The following RNF144A variants were observed in gnomAD, a reference collection of about 807,000 sequenced individuals.
RNF144A encodes the protein E3 ubiquitin-protein ligase RNF144A.
RNF144A carries 11 observed loss-of-function variants against 38.7 expected under a neutral mutation model. That is an observed-to-expected ratio of 0.28 (90% confidence interval 0.18 to 0.47). RNF144A has a LOEUF of 0.47. Ranked by LOEUF, RNF144A falls within the 20% of genes least tolerant of loss-of-function variation. The probability of loss-of-function intolerance (pLI) is 0.99; values close to 1 mark genes in which losing one functional copy is unlikely to be tolerated. For missense variants in RNF144A, 316 were observed against 377.2 expected (o/e 0.84, Z 1.34); for synonymous variants, 149 against 143.9 (o/e 1.04, Z -0.25).
intron 1 of RNF144A, among the ~76,000 whole-genome samples, chr2:6,925,285 T>G (rs1437859003): frequency 6.6e-6 from 1 of 152,210 alleles, no homozygotes. Flanking sequence ...CTCTTCTTCT[T>G]GTCTCAGTGA....
rs1292797204 is a variant in RNF144A, at chr2:7,041,217, T to C, written c.*1457T>C. 1 of 985,290 alleles carries C rather than the reference T, an allele frequency of 1.0e-6. No homozygotes were observed. The highest frequency in any genetic ancestry group is 1.2e-6 in the Non-Finnish European group (1 of 829,814). 61.0% of individuals were successfully genotyped at this position (985,290 alleles called of 1,614,324 possible). ...AACAAAATCCTTTTATCTCAGTTAT[T>C]TGCCCATCACAAGCACATTTTTAAA... On this transcript the variant is annotated 3_prime_UTR_variant, in exon 9 of 9. Coordinates refer to ENST00000320892, the MANE Select transcript of RNF144A (RefSeq NM_014746.6).
chr2:7,074,929 C>G, the RNF144A span, among the ~76,000 whole-genome samples: 1 of 152,126 alleles, frequency 6.6e-6, no homozygotes, highest in East Asian at 1.9e-4. Flanking sequence ...AGGAGGTTCT[C>G]AATTTTTTTC....
chr2:6,970,338 CCT>C (rs1224588175), intron 2 of RNF144A, among the ~76,000 whole-genome samples: 1 of 152,094 alleles, frequency 6.6e-6, no homozygotes, highest in African/African-American at 2.4e-5. Context: ...CTGCACAAGC[CCT>C]CTCTCTCTTT....
intron 2 of RNF144A, among the ~76,000 whole-genome samples, chr2:6,959,284 A>G (rs1424979342): frequency 6.6e-6 from 1 of 152,184 alleles, no homozygotes; most frequent in Non-Finnish European, 1.5e-5. Context: ...GCCAGGAGTC[A>G]GAGACTTTAA....
At chr2:6,942,870 G>A (rs1036074301) in intron 2 of RNF144A, among the ~76,000 whole-genome samples, 1 of 152,194 alleles carries the variant, frequency 6.6e-6, no homozygotes, top group Non-Finnish European at 1.5e-5. Context: ...TGTAATTCCA[G>A]CTACTCGGGA....
the RNF144A span, among the ~76,000 whole-genome samples, chr2:7,073,667 C>T: frequency 6.6e-6 from 1 of 152,220 alleles, no homozygotes; most frequent in Non-Finnish European, 1.5e-5. Context: ...AAGATTATAA[C>T]AAGCTGTTGT....
chr2:7,057,070 G>A (rs761739199), intron 6 of RNF144A, among the ~76,000 whole-genome samples: 1 of 152,182 alleles, frequency 6.6e-6, no homozygotes, highest in Non-Finnish European at 1.5e-5. Flanking sequence ...ACATCAACAG[G>A]AGGTGAGAAG....
At chr2:7,012,267 A>G (rs1670867344) in intron 3 of RNF144A, among the ~76,000 whole-genome samples, 1 of 152,356 alleles carries the variant, frequency 6.6e-6, no homozygotes, top group African/African-American at 2.4e-5. Flanking sequence ...GACAACAGCC[A>G]CTATTTACTT....
chr2:7,043,956 TGAA>T lies in RNF144A; in HGVS notation c.*4197_*4199del. 1.0e-6 allele frequency: 1 copy of T among 985,912 alleles called. No homozygotes were observed. Among genetic ancestry groups the T allele is most frequent in the Non-Finnish European group, 1.2e-6 (1 of 829,936 alleles). 61.1% of individuals were successfully genotyped at this position (985,912 alleles called of 1,614,324 possible). A position where few individuals can be genotyped will look rare whatever the true frequency, so the allele number is the denominator to read the frequency against. ...TCAAAACAGATTTGATTTGTGTTTT[TGAA>T]ATGTCAGTACATTTTGTGCCACTAA... On this transcript the variant is annotated 3_prime_UTR_variant, in exon 9 of 9. Coordinates refer to ENST00000320892, the MANE Select transcript of RNF144A (RefSeq NM_014746.6).
chr2:7,060,955 T>C (rs980431497), intron 6 of RNF144A, among the ~76,000 whole-genome samples: 5 of 152,214 alleles, frequency 3.3e-5, no homozygotes, highest in Non-Finnish European at 7.3e-5. Context: ...CTGAGTCTAA[T>C]AGTTTGTTTT....
At chr2:7,009,293 G>A (rs953765007) in intron 3 of RNF144A, among the ~76,000 whole-genome samples, 1 of 152,234 alleles carries the variant, frequency 6.6e-6, no homozygotes, top group African/African-American at 2.4e-5. Flanking sequence ...CACCTGCAAA[G>A]CAGGATCATC....
At chr2:7,005,239 C>T (rs527440295) in intron 3 of RNF144A, among the ~76,000 whole-genome samples, 139 of 152,276 alleles carry the variant, frequency 9.1e-4, no homozygotes, top group Non-Finnish European at 1.6e-3. Flanking sequence ...ATGGTTGAAG[C>T]CAAGCTTGCT....
Position 6,941,306 on chromosome 2 carries a change from C to T in RNF144A, c.-12+159C>T, listed in dbSNP as rs140536681. On this transcript the variant is annotated intron_variant, in intron 2 of 8. Transcript: ENST00000320892. The surrounding 1 kb of genome is among the most constrained non-coding windows in gnomAD (Gnocchi z 6.5). ...AAGGCAATTTTCTAGTAGGTTTCCC[C>T]GGAATGAATTTTAAGATAGTGTTCA... 3.5e-4 allele frequency among the ~76,000 whole-genome samples: 53 copies of T among 152,308 alleles called. No homozygotes were observed. Among genetic ancestry groups the T allele is most frequent in the Admixed American group, 2.4e-3 (36 of 15,306 alleles).
chr2:7,015,735 C>T (rs1008851482), intron 5 of RNF144A, among the ~76,000 whole-genome samples: 2 of 152,154 alleles, frequency 1.3e-5, no homozygotes, highest in African/African-American at 4.8e-5. Context: ...GTGCAGGCGA[C>T]ACTCCATATG....
At chr2:6,978,912 A>G (rs1668463922) in intron 2 of RNF144A, 1 of 152,668 alleles carries the variant, frequency 6.6e-6, no homozygotes. Context: ...GGAGCACTGG[A>G]TGGGTGAGGA....
intron 1 of RNF144A, among the ~76,000 whole-genome samples, chr2:6,922,585 C>T (rs576435947): frequency 6.6e-6 from 1 of 150,736 alleles, no homozygotes; most frequent in African/African-American, 2.4e-5. Flanking sequence ...CTGCCTCCTG[C>T]GAGCCATGCA....
At chr2:6,950,765 AC>A (rs1666626293) in intron 2 of RNF144A, among the ~76,000 whole-genome samples, 1 of 152,208 alleles carries the variant, frequency 6.6e-6, no homozygotes, top group African/African-American at 2.4e-5. Context: ...AATTTAAGCT[AC>A]CAGTAATATT....
At chr2:6,993,333 G>A (rs1330856485) in intron 2 of RNF144A, among the ~76,000 whole-genome samples, 1 of 152,172 alleles carries the variant, frequency 6.6e-6, no homozygotes, top group Non-Finnish European at 1.5e-5. Context: ...CCTGTGCCCA[G>A]GGCAGGGGAA....
At chr2:7,065,944 A>G (rs554847095) in intron 6 of RNF144A, among the ~76,000 whole-genome samples, 16 of 152,376 alleles carry the variant, frequency 1.1e-4, no homozygotes, top group African/African-American at 2.6e-4. Flanking sequence ...TGAAAGTTCT[A>G]TCCCAAGCTC....
Sources: gnomAD v4.1 joint callset for allele counts (sites outside exome capture counted in the v4.1 genomes callset) on GRCh38, gnomAD v4.1.1 for gene constraint, Gnocchi (gnomAD v3.1) non-coding constraint, MANE v1.5 for transcripts, NCBI Gene and HGNC (gene_info 2026-07-23, HGNC 2026-07-21) for gene names.